The following BLTP1 variants were observed in gnomAD, a reference collection of about 807,000 sequenced individuals.
BLTP1 encodes the protein bridge-like lipid transfer protein family member 1, also known as fragile site-associated protein.
the BLTP1 span, chr4:122,192,538 T>C: frequency 5.4e-6 from 1 of 186,876 alleles, no homozygotes; most frequent in Non-Finnish European, 1.0e-5. Context: ...GCTTGTGGCT[T>C]CTCCACAAGC....
chr4:122,163,329 C>T, the BLTP1 span, among the ~76,000 whole-genome samples: 1 of 152,188 alleles, frequency 6.6e-6, no homozygotes, highest in South Asian at 2.1e-4. Context: ...AAATAAACTA[C>T]CATCGGAGTT....
the BLTP1 span, among the ~76,000 whole-genome samples, chr4:122,357,667 G>T: frequency 1.3e-5 from 2 of 151,718 alleles, no homozygotes; most frequent in Non-Finnish European, 2.9e-5. Context: ...AGTTTGAAAT[G>T]TAATGATTTG....
At chr4:122,252,919 G>A in the BLTP1 span, among the ~76,000 whole-genome samples, 1 of 152,180 alleles carries the variant, frequency 6.6e-6, no homozygotes, top group African/African-American at 2.4e-5. Flanking sequence ...GGGTGCTTGT[G>A]TCACTGCACC....
chr4:122,229,367 C>A, the BLTP1 span: 1 of 682,426 alleles, frequency 1.5e-6, no homozygotes, highest in Non-Finnish European at 2.3e-6. Context: ...TAGGAGAAAA[C>A]TTTCTAATTT....
At chr4:122,336,071 A>T in the BLTP1 span, 6 of 672,548 alleles carry the variant, frequency 8.9e-6, no homozygotes, top group Admixed American at 1.6e-4. Flanking sequence ...TACTTTTATT[A>T]TTTTCTTGTA....
At chr4:122,244,922 C>T in the BLTP1 span, 21 of 1,384,524 alleles carry the variant, frequency 1.5e-5, no homozygotes, top group Admixed American at 4.2e-5. Context: ...AATTGTTGTA[C>T]ATATTCAGAT....
the BLTP1 span, among the ~76,000 whole-genome samples, chr4:122,210,583 G>A: frequency 1.3e-5 from 2 of 152,110 alleles, no homozygotes; most frequent in Non-Finnish European, 2.9e-5. Context: ...AGGTCTTGAT[G>A]TGACCCAAAT....
At chr4:122,325,084 A>G in the BLTP1 span, 3 of 725,718 alleles carry the variant, frequency 4.1e-6, no homozygotes, top group Non-Finnish European at 6.2e-6. Flanking sequence ...TTTTTATGGG[A>G]TGCTAAAGGT....
the BLTP1 span, chr4:122,291,966 G>GTTTTTTTTTTTTTTTTTTTTTTTTTTTT: frequency 8.4e-6 from 1 of 118,664 alleles, no homozygotes. Flanking sequence ...GCATCAAACA[G>GTTTTTTTTTTTTTTTTTTTTTTTTTTTT]TTTTTTTTTT....
the BLTP1 span, chr4:122,170,832 G>A: frequency 2.7e-6 from 2 of 741,490 alleles, no homozygotes; most frequent in East Asian, 3.0e-5. Flanking sequence ...ACTGAAGTTG[G>A]AACACTAACA....
the BLTP1 span, among the ~76,000 whole-genome samples, chr4:122,236,244 GAGTAGT>G: frequency 6.6e-6 from 1 of 152,094 alleles, no homozygotes; most frequent in Admixed American, 6.6e-5. Context: ...TTTTTTTACT[GAGTAGT>G]AGTAAGTGTG....
chr4:122,316,951 A>G, the BLTP1 span: 2 of 892,702 alleles, frequency 2.2e-6, no homozygotes, highest in Non-Finnish European at 3.3e-6. Flanking sequence ...ATTTGGTCTA[A>G]TACAAACTCT....
the BLTP1 span, chr4:122,344,642 A>C: frequency 4.8e-6 from 6 of 1,238,442 alleles, no homozygotes; most frequent in South Asian, 6.7e-5. Flanking sequence ...GTGTTTAAAT[A>C]TTAAGTCACT....
At chr4:122,280,992 C>G in the BLTP1 span, among the ~76,000 whole-genome samples, 2 of 152,166 alleles carry the variant, frequency 1.3e-5, no homozygotes, top group Non-Finnish European at 2.9e-5. Context: ...ACCCTGGAGT[C>G]AGACTGATTG....
At chr4:122,312,848 T>G in the BLTP1 span, 1 of 823,448 alleles carries the variant, frequency 1.2e-6, no homozygotes, top group Non-Finnish European at 1.5e-6. Context: ...ATTCTCAGAG[T>G]GAATTACAAA....
chr4:122,246,916 A>G, the BLTP1 span: 1 of 1,499,116 alleles, frequency 6.7e-7, no homozygotes, highest in South Asian at 1.4e-5. Context: ...TGTAATGTTA[A>G]AACTCAGAAC....
the BLTP1 span, chr4:122,348,885 C>T: frequency 1.8e-6 from 1 of 543,880 alleles, no homozygotes; most frequent in Non-Finnish European, 3.2e-6. Context: ...AAGGATACTG[C>T]AATATAAAAC....
chr4:122,342,693 A>G, the BLTP1 span, among the ~76,000 whole-genome samples: 2 of 152,098 alleles, frequency 1.3e-5, no homozygotes, highest in East Asian at 3.9e-4. Flanking sequence ...TTTACTGGAG[A>G]TGGGGACCAC....
the BLTP1 span, chr4:122,281,470 T>C: frequency 7.0e-7 from 1 of 1,438,174 alleles, no homozygotes; most frequent in South Asian, 1.6e-5. Context: ...AGAAATCCAG[T>C]GATTTTCTAC....
Sources: allele counts gnomAD v4.1 joint callset (sites outside exome capture counted in the v4.1 genomes callset), GRCh38; gene constraint gnomAD v4.1.1; transcripts MANE v1.5; gene names NCBI Gene and HGNC (gene_info 2026-07-23, HGNC 2026-07-21).